Variants in PCDHA5 observed in about 807,000 individuals in gnomAD.
PCDHA5 encodes the protein protocadherin alpha 5.
In PCDHA5, 43 loss-of-function variants were observed where a neutral mutation model predicts 61.6. The observed-to-expected ratio is 0.70, with a 90% CI of 0.55 to 0.90. The LOEUF is 0.90. Among genes scored for constraint, PCDHA5 ranks in the 40% least tolerant of loss-of-function variants. PCDHA5 has a pLI of 0.00. For synonymous variants in PCDHA5, 627 were observed against 543.9 expected (o/e 1.15, Z -2.13); for missense variants, 1,298 against 1,222.7 (o/e 1.06, Z -0.92).
intron 3 of PCDHA5, among the ~76,000 whole-genome samples, chr5:140,999,423 C>G (rs1159862736): frequency 6.6e-6 from 1 of 152,100 alleles, no homozygotes; most frequent in Non-Finnish European, 1.5e-5. Context: ...AGCTAAGAGG[C>G]CAAGTACCTT....
chr5:140,841,580 A>T (rs1777346702), intron 1 of PCDHA5: 1 of 1,613,870 alleles, frequency 6.2e-7, no homozygotes, highest in South Asian at 1.1e-5. Context: ...TTTGTTTGTG[A>T]ATTCTCGGAT....
chr5:140,887,153 G>C (rs950456487), intron 1 of PCDHA5, among the ~76,000 whole-genome samples: 1 of 151,288 alleles, frequency 6.6e-6, no homozygotes, highest in South Asian at 2.1e-4. Flanking sequence ...CTGGAGTACA[G>C]TGGCGTGATC....
Position 140,851,168 on chromosome 5 carries a change from A to G in PCDHA5, c.2352+27041A>G, listed in dbSNP as rs899165006. 39 of 1,280,680 alleles carry G rather than the reference A, an allele frequency of 3.0e-5. 2 individuals are homozygous for G. Among genetic ancestry groups the G allele is most frequent in the Admixed American group, 1.3e-4 (4 of 31,186 alleles). The allele number at this position is 1,280,680 out of a possible 1,614,324, so 79.3% of individuals were successfully genotyped here. On this transcript the variant is annotated intron_variant, in intron 1 of 3. Transcript: ENST00000529859. ...ATTGAATTTCTGATGCTATGCTGCC[A>G]TAACACTTGAAAACCAATTTAGTTG...
intron 1 of PCDHA5, chr5:140,860,548 T>C (rs1219356676): frequency 6.6e-6 from 1 of 152,138 alleles, no homozygotes; most frequent in Non-Finnish European, 1.5e-5. Flanking sequence ...CAAACCCACC[T>C]TTGAAGAGGT....
At chr5:140,934,151 A>G (rs1478465122) in intron 1 of PCDHA5, among the ~76,000 whole-genome samples, 3 of 152,088 alleles carry the variant, frequency 2.0e-5, no homozygotes, top group African/African-American at 7.2e-5. Context: ...TTATATGTTT[A>G]TATTTCAGTG....
intron 3 of PCDHA5, among the ~76,000 whole-genome samples, chr5:140,986,707 A>G (rs2097210304): frequency 6.6e-6 from 1 of 152,186 alleles, no homozygotes; most frequent in Admixed American, 6.5e-5. Flanking sequence ...AGCACTGCAG[A>G]AGATAACATT....
At chr5:140,993,198 A>C (rs1554253472) in intron 3 of PCDHA5, among the ~76,000 whole-genome samples, 1 of 151,946 alleles carries the variant, frequency 6.6e-6, no homozygotes, top group African/African-American at 2.4e-5. Context: ...AACTCACTAA[A>C]GCTAATTTTT....
chr5:140,846,638 T>A (rs1554141417), intron 1 of PCDHA5, among the ~76,000 whole-genome samples: 1 of 149,216 alleles, frequency 6.7e-6, no homozygotes, highest in Non-Finnish European at 1.5e-5. Flanking sequence ...CCTCCTAAAG[T>A]GCTGGGATTA....
chr5:140,933,388 GCCATCTGGTTA>G (rs1563137793), intron 1 of PCDHA5, among the ~76,000 whole-genome samples: 2 of 151,906 alleles, frequency 1.3e-5, no homozygotes, highest in Non-Finnish European at 2.9e-5. Context: ...TGTTCCTAGA[GCCATCTGGTTA>G]CCATCTACAG....
intron 1 of PCDHA5, chr5:140,828,590 A>G (rs1562298438): frequency 3.1e-6 from 5 of 1,614,240 alleles, no homozygotes; most frequent in Non-Finnish European, 4.2e-6. Flanking sequence ...CTCAAATTCC[A>G]TCTTAACCTA....
intron 1 of PCDHA5, chr5:140,827,840 A>C: frequency 2.2e-6 from 1 of 457,334 alleles, no homozygotes; most frequent in Non-Finnish European, 3.8e-6. Flanking sequence ...AGAAAAGAAG[A>C]TACTGTTTTA....
intron 1 of PCDHA5, among the ~76,000 whole-genome samples, chr5:140,940,729 C>G (rs545285188): frequency 8.9e-4 from 136 of 152,326 alleles, no homozygotes; most frequent in African/African-American, 3.2e-3. Context: ...TTCAGCTGGA[C>G]AGCTCCATAT....
intron 1 of PCDHA5, among the ~76,000 whole-genome samples, chr5:140,965,456 G>A (rs2095902676): frequency 6.6e-6 from 1 of 151,710 alleles, no homozygotes; most frequent in Admixed American, 6.6e-5. Context: ...GTTATTGTAA[G>A]ATAAATCCCA....
At chr5:140,872,584 G>A (rs183302964) in intron 1 of PCDHA5, among the ~76,000 whole-genome samples, 8 of 152,212 alleles carry the variant, frequency 5.3e-5, no homozygotes, top group Admixed American at 5.2e-4. Flanking sequence ...CTATCATCGT[G>A]AGACCCCCAT....
rs189790601 is a variant in PCDHA5 at position 140,875,550 on chromosome 5, G to A, written c.2352+51423G>A. ...TTCTGCTCCTTGCAGCCTGGGAGGTGGGGAGCGGCCAGCTCCACTACTCCG... is the reference window on the plus strand; with the variant it reads ...TTCTGCTCCTTGCAGCCTGGGAGGTAGGGAGCGGCCAGCTCCACTACTCCG... On this transcript the variant is annotated intron_variant, in intron 1 of 3. Transcript: ENST00000529859. 51 of 1,614,134 alleles carry A rather than the reference G, an allele frequency of 3.2e-5. No homozygotes were observed. In the African/African-American group the frequency reaches 5.7e-4, roughly 18 times the overall value.
At chr5:140,862,926 G>C in intron 1 of PCDHA5, 1 of 546,060 alleles carries the variant, frequency 1.8e-6, no homozygotes, top group South Asian at 1.4e-5. Context: ...GGGTGGGCTG[G>C]CGGCGCTGTG....
chr5:140,995,544 A>T (rs2097688289), intron 3 of PCDHA5, among the ~76,000 whole-genome samples: 1 of 152,234 alleles, frequency 6.6e-6, no homozygotes, highest in African/African-American at 2.4e-5. Context: ...ATAAGGGGCG[A>T]TCACTGTACT....
chr5:140,946,875 G>T (rs1283632599), intron 1 of PCDHA5, among the ~76,000 whole-genome samples: 1 of 151,288 alleles, frequency 6.6e-6, no homozygotes, highest in Non-Finnish European at 1.5e-5. Flanking sequence ...TGGTCAATGG[G>T]TACGAAGTTA....
chr5:140,921,940 C>T (rs114983283), intron 1 of PCDHA5, among the ~76,000 whole-genome samples: 6,108 of 151,846 alleles, frequency 0.04, 136 homozygotes, highest in Non-Finnish European at 0.052. Context: ...TATAATTTTA[C>T]ACTTGTAAAA....
Sources: gnomAD v4.1 joint callset for allele counts (sites outside exome capture counted in the v4.1 genomes callset) on GRCh38, gnomAD v4.1.1 for gene constraint, MANE v1.5 for transcripts, NCBI Gene and HGNC (gene_info 2026-07-23, HGNC 2026-07-21) for gene names.